Variants in CHDH observed in about 807,000 individuals in gnomAD.
CHDH encodes the protein choline dehydrogenase, mitochondrial.
Under a neutral mutation model 56.9 loss-of-function variants are expected in CHDH, and 43 were observed. The ratio of observed to expected loss-of-function variants is 0.76; its 90% CI spans 0.59 to 0.97. The LOEUF (loss-of-function observed/expected upper bound fraction) is 0.97. Among genes scored for constraint, CHDH ranks in the 50% least tolerant of loss-of-function variants. The pLI, the probability that CHDH is intolerant of heterozygous loss-of-function variation, is 0.00. For missense variants in CHDH, 816 were observed against 821.1 expected, an observed-to-expected ratio of 0.99 and a Z score of 0.08; for synonymous variants, 364 against 348.5, an observed-to-expected ratio of 1.04 and a Z score of -0.50.
chr3:53,817,849 GATA>G lies in CHDH; in HGVS notation c.1710_1712del (p.Ile571del). 1 of 1,614,202 alleles carries G rather than the reference GATA, an allele frequency of 6.2e-7. No individual in the cohort carries two copies. Among genetic ancestry groups the G allele is most frequent in the Non-Finnish European group, 8.5e-7 (1 of 1,180,034 alleles). On this transcript the variant is annotated inframe_deletion, in exon 9 of 9. Coordinates refer to ENST00000315251, the MANE Select transcript of CHDH (RefSeq NM_018397.5). ...TGTCCCAGAGTGCAGGCTGCCCCTT[GATA>G]ATGTCAGCTGCCTTCTCTGCGATCA...
chr3:53,838,040 G>A (rs1349221980), intron 2 of CHDH, among the ~76,000 whole-genome samples: 2 of 110,196 alleles, frequency 1.8e-5, no homozygotes, highest in Non-Finnish European at 3.3e-5. Flanking sequence ...CTGGGCGACA[G>A]AGTGAGACTC....
chr3:53,819,901 T>A lies in CHDH; in HGVS notation c.1121-227A>T, dbSNP rs2095622913. On this transcript the variant is annotated intron_variant, in intron 6 of 8. Coordinates refer to ENST00000315251, the MANE Select transcript of CHDH (RefSeq NM_018397.5). This position sits in a 1 kb window ranked among gnomAD's most constrained non-coding sequence, Gnocchi z 5.4. Reference sequence around the variant, plus strand: ...TTTGCCAAAAGGATGGCATCAGCTCTGCTCTCTACCAGGGCCAATTCTGCC... The same window carrying A: ...TTTGCCAAAAGGATGGCATCAGCTCAGCTCTCTACCAGGGCCAATTCTGCC... Among the ~76,000 whole-genome samples, 1 of 152,224 alleles carries A rather than the reference T, an allele frequency of 6.6e-6. No homozygotes were observed. Among genetic ancestry groups the A allele is most frequent in the African/African-American group, 2.4e-5 (1 of 41,454 alleles).
intron 2 of CHDH, among the ~76,000 whole-genome samples, chr3:53,834,298 A>T (rs1200278216): frequency 6.6e-6 from 1 of 152,104 alleles, no homozygotes; most frequent in Admixed American, 6.5e-5. Context: ...ATACAAAAAA[A>T]TTAGCCAGGC....
At chr3:53,821,511 G>A (rs757296933) in intron 5 of CHDH, 136 bp downstream of exon 5, 25 of 754,946 alleles carry the variant, frequency 3.3e-5, no homozygotes, top group Non-Finnish European at 5.0e-5. Context: ...AAACCTTCGG[G>A]CTCTCGGGGA....
At chr3:53,824,102 TC>T in intron 2 of CHDH, 35 bp from the exon 3 acceptor site, 4 of 1,226,578 alleles carry the variant, frequency 3.3e-6, no homozygotes, top group Non-Finnish European at 4.3e-6. Flanking sequence ...AAATCTTAAC[TC>T]CGCATATCCA....
chr3:53,828,162 GAC>G (rs60594351), intron 2 of CHDH, among the ~76,000 whole-genome samples: 55,570 of 144,968 alleles, frequency 0.38, 10,965 homozygotes, highest in South Asian at 0.48. Context: ...GGAATAACTA[GAC>G]ACACACACAC....
chr3:53,816,379 C>G lies in CHDH; in HGVS notation c.*1398G>C, dbSNP rs1013884952. Reference sequence around the variant, plus strand: ...GGCATCTCAGTTCAAATGTGAGTGACTGGATCACTTTATTGAATGGTAAGA... The same window carrying G: ...GGCATCTCAGTTCAAATGTGAGTGAGTGGATCACTTTATTGAATGGTAAGA... On this transcript the variant is annotated 3_prime_UTR_variant, in exon 9 of 9. Coordinates refer to ENST00000315251, the MANE Select transcript of CHDH (RefSeq NM_018397.5). 1 of 152,200 alleles carries G rather than the reference C, an allele frequency of 6.6e-6. No homozygotes were observed. The highest frequency in any genetic ancestry group is 6.5e-5 in the Admixed American group (1 of 15,284). The allele number at this position is 152,200 out of a possible 1,614,324, so 9.4% of individuals were successfully genotyped here.
In CHDH at chr3:53,823,668, C is replaced by T. The variant is rs1299213375; in HGVS notation, c.341G>A (p.Gly114Asp). 3.9e-6 allele frequency: 6 copies of T among 1,546,540 alleles called. No individual in the cohort carries two copies. The highest frequency in any genetic ancestry group is 2.4e-5 in the South Asian group (2 of 83,998). The change falls in exon 3 of 9, where the codon GGC (glycine) becomes GAC (aspartate). Residue 114 changes from glycine (G) to aspartate (D), a missense_variant. Transcript: ENST00000315251. ...CCAGTACAGCACGCGGCCGTCCAGG[C>T]CCCGCTGCACCTCTGTGTGGTAGCA... is the stretch of plus-strand genomic sequence containing the variant. ...NWCYHTEVQRGLDGRVLYWPR... is the reference protein window; with the variant it reads ...NWCYHTEVQRDLDGRVLYWPR...
At chr3:53,840,331 AGCTT>A (rs1698631600) in intron 2 of CHDH, among the ~76,000 whole-genome samples, 1 of 152,188 alleles carries the variant, frequency 6.6e-6, no homozygotes, top group Non-Finnish European at 1.5e-5. Flanking sequence ...GTTCAAGACC[AGCTT>A]GGGAAACATT....
In CHDH at chr3:53,820,547, A is replaced by G. The variant is rs745918284; in HGVS notation, c.1047T>C (p.Pro349=). The G allele has an allele frequency of 9.9e-6, 16 of 1,614,060 alleles. No homozygotes were observed. Among genetic ancestry groups the G allele is most frequent in the Non-Finnish European group, 1.4e-5 (16 of 1,179,970 alleles). Residue 349 remains proline, a synonymous_variant, in exon 6 of 9, where the codon CCT becomes CCC. Transcript: ENST00000315251. The part of the protein sequence containing the change: ...EIYIQQACTR[P]ITLHSAQKPL... Reference sequence around the variant, plus strand: ...GCTTCTGTGCTGAATGGAGGGTGATAGGGCGGGTGCATGCCTGCTGAATGT... The same window carrying G: ...GCTTCTGTGCTGAATGGAGGGTGATGGGGCGGGTGCATGCCTGCTGAATGT...
rs755504292 is a variant in CHDH at position 53,823,820 on chromosome 3, G to A, written c.189C>T (p.Pro63=). The A allele has an allele frequency of 1.0e-5, 16 of 1,586,114 alleles. No homozygotes were observed. The highest frequency in any genetic ancestry group is 9.0e-5 in the South Asian group (8 of 89,014). The part of the protein sequence containing the change: ...CVLAGRLTED[P]AERVLLLEAG... ...CCTCCAGCAGCAGCACGCGCTCGGC[G>A]GGGTCCTCCGTGAGCCTCCCAGCCA... Residue 63 remains proline, a synonymous_variant, in exon 3 of 9, where the codon CCC becomes CCT. Transcript: ENST00000315251.
Position 53,813,178 on chromosome 3 carries a change from T to TGAA in CHDH, c.*4596_*4598dup, listed in dbSNP as rs1346913194. 1.6e-4 allele frequency: 24 copies of TGAA among 148,200 alleles called. No individual in the cohort carries two copies. Among genetic ancestry groups the TGAA allele is most frequent in the Non-Finnish European group, 8.9e-5 (6 of 67,524 alleles). 9.2% of individuals were successfully genotyped at this position (148,200 alleles called of 1,614,324 possible). On this transcript the variant is annotated 3_prime_UTR_variant, in exon 9 of 9. Transcript: ENST00000315251. ...GTAAATAACAAACACCACTTTGTTA[T>TGAA]GAAGACCTTACAAACCTCTTCTTAA...
intron 6 of CHDH, 78 bp downstream of exon 6, chr3:53,820,396 C>A: frequency 2.6e-6 from 4 of 1,513,446 alleles, no homozygotes; most frequent in East Asian, 4.6e-5. Flanking sequence ...GTGGCCAGAA[C>A]CCCTGTTCAG....
rs762745135 is a variant in CHDH at position 53,820,574 on chromosome 3, G to A, written c.1020C>T (p.Ile340=). Residue 340 remains isoleucine, a synonymous_variant, in exon 6 of 9, where the codon ATC becomes ATT. Coordinates refer to ENST00000315251, the MANE Select transcript of CHDH (RefSeq NM_018397.5). ...VGQNLQDHLE[I]YIQQACTRPI... ...GGCGGGTGCATGCCTGCTGAATGTA[G>A]ATCTCCAGGTGGTCTTGCAGGTTCT... 1 of 1,614,034 alleles carries A rather than the reference G, an allele frequency of 6.2e-7. No individual in the cohort carries two copies. Among genetic ancestry groups the A allele is most frequent in the East Asian group, 2.2e-5 (1 of 44,884 alleles).
At chr3:53,827,488 A>G (rs866664006) in intron 2 of CHDH, among the ~76,000 whole-genome samples, 2 of 147,328 alleles carry the variant, frequency 1.4e-5, no homozygotes, top group African/African-American at 2.6e-5. Context: ...CATCTCTAAA[A>G]AAAAATAACT....
Position 53,833,829 on chromosome 3 carries a change from C to T in CHDH, c.-60+7100G>A, listed in dbSNP as rs1057509484. 7.9e-5 allele frequency among the ~76,000 whole-genome samples: 12 copies of T among 152,160 alleles called. No individual in the cohort carries two copies. In the South Asian group the frequency reaches 1.0e-3, roughly 13 times the overall value. ...AAGAACAGACTTTTGCCTGCTCTAC[C>T]TTCCAGTCAAGAGGAAAAGACTCAT... On this transcript the variant is annotated intron_variant, in intron 2 of 8. Transcript: ENST00000315251.
In CHDH at chr3:53,818,214, A is replaced by G; in HGVS notation, c.1367-19T>C. The G allele has an allele frequency of 6.3e-7, 1 of 1,576,054 alleles. No homozygotes were observed. The highest frequency in any genetic ancestry group is 8.6e-7 in the Non-Finnish European group (1 of 1,163,598). On this transcript the variant is annotated intron_variant, in intron 8 of 8. Coordinates refer to ENST00000315251, the MANE Select transcript of CHDH (RefSeq NM_018397.5). ...TCAGTTTCTGTCGAGGAGAAGAAAC[A>G]GGTGAGGACCCCTCCTTTTGCCCGT... is the stretch of plus-strand genomic sequence containing the variant.
rs1426946617 is a variant in CHDH at position 53,823,822 on chromosome 3, G to A, written c.187C>T (p.Pro63Ser). The A allele has an allele frequency of 8.2e-6, 13 of 1,586,080 alleles. No individual in the cohort carries two copies. The highest frequency in any genetic ancestry group is 1.3e-5 in the African/African-American group (1 of 74,374). ...TCCAGCAGCAGCACGCGCTCGGCGG[G>A]GTCCTCCGTGAGCCTCCCAGCCAGC... The part of the protein sequence containing the change: ...CVLAGRLTED[P>S]AERVLLLEAG... Residue 63 changes from proline to serine, a missense_variant, in exon 3 of 9, where the codon CCC becomes TCC. By Grantham distance (74) the Pro-to-Ser change is moderately conservative. Coordinates refer to ENST00000315251, the MANE Select transcript of CHDH (RefSeq NM_018397.5).
At chr3:53,830,329 C>T (rs1698294921) in intron 2 of CHDH, among the ~76,000 whole-genome samples, 1 of 151,446 alleles carries the variant, frequency 6.6e-6, no homozygotes, top group African/African-American at 2.4e-5. Context: ...CACCTCACAT[C>T]AACATGGATG....
Sources: gnomAD v4.1 joint callset for allele counts (sites outside exome capture counted in the v4.1 genomes callset) on GRCh38, gnomAD v4.1.1 for gene constraint, Gnocchi (gnomAD v3.1) non-coding constraint, MANE v1.5 for transcripts, NCBI Gene and HGNC (gene_info 2026-07-23, HGNC 2026-07-21) for gene names.